Variants in RTN1 observed in about 807,000 individuals in gnomAD.
RTN1 encodes reticulon-1.
In RTN1, 25 loss-of-function variants were observed where a neutral mutation model predicts 65.5. That is an observed-to-expected ratio of 0.38 (90% CI 0.28 to 0.53). The LOEUF (loss-of-function observed/expected upper bound fraction) is 0.53, where lower values mean the gene tolerates loss of function less well. Ranked by LOEUF, RTN1 falls within the 20% of genes least tolerant of loss-of-function variation. The pLI, the probability that RTN1 is intolerant of heterozygous loss-of-function variation, is 0.79. For synonymous variants in RTN1, 471 were observed against 447.6 expected (o/e 1.05, Z -0.66); for missense variants, 983 against 1,025.4 (o/e 0.96, Z 0.57).
At chr14:59,808,236 A>G (rs1303475433) in intron 1 of RTN1, among the ~76,000 whole-genome samples, 5 of 152,206 alleles carry the variant, frequency 3.3e-5, no homozygotes, top group African/African-American at 1.2e-4. Flanking sequence ...CTAAAGAAAA[A>G]GACCACCTTG....
At chr14:59,749,482 T>C (rs1400237214) in intron 1 of RTN1, among the ~76,000 whole-genome samples, 4 of 69,728 alleles carry the variant, frequency 5.7e-5, no homozygotes, top group Non-Finnish European at 9.1e-5. Flanking sequence ...TCTATATATC[T>C]ATATATATCT....
chr14:59,779,035 G>A (rs1300475553), intron 1 of RTN1, among the ~76,000 whole-genome samples: 3 of 152,154 alleles, frequency 2.0e-5, no homozygotes, highest in Non-Finnish European at 4.4e-5. Flanking sequence ...AGGGGAGTCT[G>A]GAAACTGGAA....
At chr14:59,725,970 C>G (rs531860274) in intron 3 of RTN1, among the ~76,000 whole-genome samples, 1 of 152,254 alleles carries the variant, frequency 6.6e-6, no homozygotes, top group Non-Finnish European at 1.5e-5. Context: ...GGGAGGGGAC[C>G]TTGAATACAG....
In RTN1 at chr14:59,766,073, T is replaced by C. The variant is rs966928736; in HGVS notation, c.242-19592A>G. On this transcript the variant is annotated intron_variant, in intron 1 of 8. Transcript: ENST00000267484. The surrounding 1 kb of genome is among the most constrained non-coding windows in gnomAD (Gnocchi z 4.4). ...GGTGAAACCCAGTCTCTACTAAAAA[T>C]ACAAAAATTAGTCGGGCTTGGTGGT... is the stretch of plus-strand genomic sequence containing the variant. Among the ~76,000 whole-genome samples, 1 of 152,088 alleles carries C rather than the reference T, an allele frequency of 6.6e-6. No individual in the cohort carries two copies. The highest frequency in any genetic ancestry group is 6.6e-5 in the Admixed American group (1 of 15,266).
chr14:59,598,489 G>T (rs1881478029), intron 8 of RTN1, among the ~76,000 whole-genome samples: 1 of 152,150 alleles, frequency 6.6e-6, no homozygotes, highest in South Asian at 2.1e-4. Flanking sequence ...GAAGAGGTCT[G>T]GGCTGGAGAC....
chr14:59,749,430 A>C (rs1343437561), intron 1 of RTN1, among the ~76,000 whole-genome samples: 1 of 99,352 alleles, frequency 1.0e-5, no homozygotes, highest in African/African-American at 4.5e-5. Context: ...CTATATATCT[A>C]TATATATCTA....
intron 1 of RTN1, among the ~76,000 whole-genome samples, chr14:59,857,165 A>G (rs1322080519): frequency 6.6e-6 from 1 of 152,154 alleles, no homozygotes; most frequent in African/African-American, 2.4e-5. Context: ...TAACTATAGA[A>G]TCTGAGGCTC....
At chr14:59,632,381 A>G (rs1052076057) in intron 3 of RTN1, among the ~76,000 whole-genome samples, 4 of 152,128 alleles carry the variant, frequency 2.6e-5, no homozygotes, top group African/African-American at 9.7e-5. Flanking sequence ...TTAAATACTG[A>G]AAAGACTGGT....
intron 3 of RTN1, among the ~76,000 whole-genome samples, chr14:59,641,089 C>A (rs1423714662): frequency 1.3e-5 from 2 of 152,010 alleles, no homozygotes; most frequent in Non-Finnish European, 2.9e-5. Context: ...TCTAAAGCAG[C>A]TAGGGACTAC....
chr14:59,644,433 C>G (rs1198880737), intron 3 of RTN1, among the ~76,000 whole-genome samples: 1 of 152,164 alleles, frequency 6.6e-6, no homozygotes, highest in African/African-American at 2.4e-5. Context: ...ATTGAACCCA[C>G]TCCATCAGGG....
At chr14:59,832,875 C>T (rs1317897151) in intron 1 of RTN1, among the ~76,000 whole-genome samples, 2 of 152,194 alleles carry the variant, frequency 1.3e-5, no homozygotes, top group Non-Finnish European at 2.9e-5. Flanking sequence ...GAAACTCCCT[C>T]CTCTCCTCAC....
intron 3 of RTN1, among the ~76,000 whole-genome samples, chr14:59,658,092 T>C (rs962283367): frequency 2.0e-5 from 3 of 152,230 alleles, no homozygotes; most frequent in Non-Finnish European, 2.9e-5. Flanking sequence ...GGCTTGAGTA[T>C]GTGGTTTCCC....
Position 59,654,447 on chromosome 14 carries a change from A to G in RTN1, c.1766-46955T>C, listed in dbSNP as rs572772954. ...CTGTCTCTGTGAAAAAAAAAAAAAA[A>G]GGAGGAGGGAAAATATCCCATCTCA... On this transcript the variant is annotated intron_variant, in intron 3 of 8. Coordinates refer to ENST00000267484, the MANE Select transcript of RTN1 (RefSeq NM_021136.3). Among the ~76,000 whole-genome samples the G allele has an allele frequency of 7.9e-5, 12 of 151,126 alleles. No individual in the cohort carries two copies. The East Asian group carries it at 2.4e-3, about 30-fold the overall frequency.
At chr14:59,855,328 C>T (rs777164720) in intron 1 of RTN1, among the ~76,000 whole-genome samples, 5 of 152,182 alleles carry the variant, frequency 3.3e-5, no homozygotes, top group Non-Finnish European at 7.3e-5. Context: ...ACTCTGCTGT[C>T]GAGCCCACCT....
intron 8 of RTN1, among the ~76,000 whole-genome samples, chr14:59,600,023 A>G (rs1256926763): frequency 6.6e-6 from 1 of 152,162 alleles, no homozygotes; most frequent in African/African-American, 2.4e-5. Context: ...AATTTCCTCT[A>G]CAGTGTTTAT....
chr14:59,778,283 C>A lies in RTN1; in HGVS notation c.242-31802G>T, dbSNP rs376819702. Among the ~76,000 whole-genome samples, 4 of 152,288 alleles carry A rather than the reference C, an allele frequency of 2.6e-5. No homozygotes were observed. In the East Asian group the frequency reaches 5.8e-4, roughly 22 times the overall value. ...TCTAACTATATTGTATGCTTCATGACAGCAGGGACCATGTATGCTTTTTCT... is the reference window on the plus strand; with the variant it reads ...TCTAACTATATTGTATGCTTCATGAAAGCAGGGACCATGTATGCTTTTTCT... On this transcript the variant is annotated intron_variant, in intron 1 of 8. Transcript: ENST00000267484.
At chr14:59,722,062 G>T (rs1884659506) in intron 3 of RTN1, among the ~76,000 whole-genome samples, 1 of 151,946 alleles carries the variant, frequency 6.6e-6, no homozygotes, top group South Asian at 2.1e-4. Flanking sequence ...ATATATTTTT[G>T]CCCACCTGCT....
At chr14:59,791,705 C>T (rs1886351654) in intron 1 of RTN1, among the ~76,000 whole-genome samples, 1 of 152,170 alleles carries the variant, frequency 6.6e-6, no homozygotes, top group African/African-American at 2.4e-5. Context: ...CCCTTACCTC[C>T]ATCACTCACT....
intron 3 of RTN1, among the ~76,000 whole-genome samples, chr14:59,724,873 G>C (rs796451469): frequency 3.3e-5 from 5 of 152,204 alleles, no homozygotes; most frequent in Non-Finnish European, 1.5e-5. Context: ...TCCAGTTCTT[G>C]GCTGCCTCAG....
Sources: gnomAD v4.1 joint callset for allele counts (sites outside exome capture counted in the v4.1 genomes callset) on GRCh38, gnomAD v4.1.1 for gene constraint, Gnocchi (gnomAD v3.1) non-coding constraint, MANE v1.5 for transcripts, NCBI Gene and HGNC (gene_info 2026-07-23, HGNC 2026-07-21) for gene names.